NRXN3: variants seen among roughly 807,000 people sequenced by gnomAD.
The protein encoded by NRXN3 is neurexin 3.
Under a neutral mutation model 137.6 loss-of-function variants are expected in NRXN3, and 32 were observed. The ratio of observed to expected loss-of-function variants is 0.23; its 90% CI spans 0.18 to 0.31. NRXN3 has a LOEUF of 0.31. NRXN3 is among the 10% of genes least tolerant of loss of function. The pLI, the probability that NRXN3 is intolerant of heterozygous loss-of-function variation, is 1.00. For synonymous variants in NRXN3, 798 were observed against 784.5 expected (o/e 1.02, Z -0.29); for missense variants, 1,574 against 2,062.5 (o/e 0.76, Z 4.59).
chr14:78,193,367 G>T (rs915179424), intron 1 of NRXN3, among the ~76,000 whole-genome samples: 4 of 152,096 alleles, frequency 2.6e-5, no homozygotes, highest in Non-Finnish European at 4.4e-5. Context: ...CTGTAAGTTT[G>T]GGTAGGGGAG....
intron 4 of NRXN3, among the ~76,000 whole-genome samples, chr14:78,531,872 T>C (rs929181854): frequency 6.6e-6 from 1 of 152,164 alleles, no homozygotes; most frequent in Non-Finnish European, 1.5e-5. Context: ...GTTTTATGCT[T>C]TCAGAATTTT....
intron 19 of NRXN3, among the ~76,000 whole-genome samples, chr14:79,705,839 C>T (rs2098776028): frequency 6.6e-6 from 1 of 152,126 alleles, no homozygotes; most frequent in South Asian, 2.1e-4. Flanking sequence ...CATTATAGCT[C>T]ACATTTATTT....
intron 6 of NRXN3, among the ~76,000 whole-genome samples, chr14:78,677,819 C>A (rs540428045): frequency 1.3e-5 from 2 of 152,266 alleles, no homozygotes; most frequent in South Asian, 4.1e-4. Flanking sequence ...CATTCAGTAA[C>A]CACTAGCCTG....
At chr14:78,887,251 A>G (rs1159364756) in intron 10 of NRXN3, among the ~76,000 whole-genome samples, 1 of 152,162 alleles carries the variant, frequency 6.6e-6, no homozygotes, top group Non-Finnish European at 1.5e-5. Flanking sequence ...AAGGTCAGAC[A>G]TGTTAGGAAA....
At chr14:78,924,650 A>G (rs1400684641) in intron 10 of NRXN3, among the ~76,000 whole-genome samples, 1 of 152,220 alleles carries the variant, frequency 6.6e-6, no homozygotes, top group African/African-American at 2.4e-5. Flanking sequence ...CTTTTCTAAA[A>G]AATTTTAGCC....
At chr14:79,745,706 G>T (rs1320974481) in intron 19 of NRXN3, among the ~76,000 whole-genome samples, 1 of 152,100 alleles carries the variant, frequency 6.6e-6, no homozygotes. Flanking sequence ...TTATCTCATA[G>T]TTACAAAGTC....
intron 4 of NRXN3, among the ~76,000 whole-genome samples, chr14:78,465,519 T>TTTTG (rs1008739819): frequency 5.9e-5 from 9 of 152,102 alleles, no homozygotes; most frequent in Admixed American, 4.6e-4. Flanking sequence ...ATTTAAGGTT[T>TTTTG]TTTGTTTGTT....
chr14:79,336,069 G>A (rs918955850), intron 15 of NRXN3, among the ~76,000 whole-genome samples: 1 of 152,136 alleles, frequency 6.6e-6, no homozygotes, highest in African/African-American at 2.4e-5. Context: ...AGTTGGTCAG[G>A]AATGTATTAA....
At position 79,179,786 on chromosome 14, in the gene NRXN3, T is replaced by C. The variant is rs764127183; in HGVS notation, c.3262+191645T>C. On this transcript the variant is annotated intron_variant, in intron 15 of 20. Transcript: ENST00000335750. ...TGGTGAAGAAGATATCCAGAGAACA[T>C]TGTGAATATATACTTAGTTTCTCCA... Among the ~76,000 whole-genome samples, 182 of 152,254 alleles carry C rather than the reference T, an allele frequency of 1.2e-3. 1 individual carries two copies. Among genetic ancestry groups the C allele is most frequent in the Non-Finnish European group, 1.8e-3 (123 of 68,010 alleles).
intron 16 of NRXN3, among the ~76,000 whole-genome samples, chr14:79,615,568 A>G (rs1450289113): frequency 6.6e-6 from 1 of 152,234 alleles, no homozygotes; most frequent in Non-Finnish European, 1.5e-5. Context: ...AAGAGGTTTA[A>G]TTGACCCACA....
chr14:78,952,264 A>G (rs2099388577), intron 10 of NRXN3, among the ~76,000 whole-genome samples: 1 of 152,186 alleles, frequency 6.6e-6, no homozygotes, highest in South Asian at 2.1e-4. Context: ...TGAACGCTTT[A>G]AAACTAAGTT....
intron 14 of NRXN3, among the ~76,000 whole-genome samples, chr14:78,985,910 C>T (rs2099502298): frequency 6.6e-6 from 1 of 152,148 alleles, no homozygotes; most frequent in Non-Finnish European, 1.5e-5. Context: ...CATGGGGGAA[C>T]CACATGGCCA....
intron 17 of NRXN3, among the ~76,000 whole-genome samples, chr14:79,679,782 A>G (rs1332463370): frequency 2.0e-5 from 3 of 152,222 alleles, no homozygotes; most frequent in African/African-American, 7.2e-5. Flanking sequence ...GGATAATTTT[A>G]CATAATCATT....
At chr14:78,603,308 AT>A (rs919405605) in intron 4 of NRXN3, among the ~76,000 whole-genome samples, 1 of 151,898 alleles carries the variant, frequency 6.6e-6, no homozygotes, top group African/African-American at 2.4e-5. Context: ...GTTTTGATAT[AT>A]TTTTTCTTGC....
chr14:79,742,068 C>T (rs192907432), intron 19 of NRXN3, among the ~76,000 whole-genome samples: 36 of 152,268 alleles, frequency 2.4e-4, no homozygotes, highest in Non-Finnish European at 4.4e-4. Flanking sequence ...TATATAATTA[C>T]GGTCACTGTG....
intron 9 of NRXN3, among the ~76,000 whole-genome samples, chr14:78,806,181 A>AT (rs111760788): frequency 1.3e-5 from 2 of 151,288 alleles, no homozygotes; most frequent in African/African-American, 2.4e-5. Flanking sequence ...GCCATAGTTA[A>AT]TTTTTTTTAC....
At chr14:79,406,638 G>T (rs1193869415) in intron 15 of NRXN3, among the ~76,000 whole-genome samples, 1 of 151,872 alleles carries the variant, frequency 6.6e-6, no homozygotes, top group East Asian at 1.9e-4. Flanking sequence ...ACCTAAAGAG[G>T]ATTTTGACTA....
At chr14:78,270,222 G>A (rs897987745) in intron 2 of NRXN3, among the ~76,000 whole-genome samples, 1 of 152,172 alleles carries the variant, frequency 6.6e-6, no homozygotes, top group African/African-American at 2.4e-5. Context: ...AGATGTCTGT[G>A]TCTAGAGTGT....
chr14:78,881,432 T>A (rs561511300), intron 10 of NRXN3, among the ~76,000 whole-genome samples: 1 of 151,762 alleles, frequency 6.6e-6, no homozygotes, highest in South Asian at 2.1e-4. Flanking sequence ...GATACTGACA[T>A]GGACAATGAA....
Sources: allele counts gnomAD v4.1 joint callset (sites outside exome capture counted in the v4.1 genomes callset), GRCh38; gene constraint gnomAD v4.1.1; transcripts MANE v1.5; gene names NCBI Gene and HGNC (gene_info 2026-07-23, HGNC 2026-07-21).